ANKH: variants seen among roughly 807,000 people sequenced by gnomAD.
ANKH encodes mineralization regulator ANKH.
In ANKH, 15 loss-of-function variants were observed where a neutral mutation model predicts 49.0. The observed-to-expected ratio is 0.31, with a 90% CI of 0.20 to 0.47. ANKH has a LOEUF of 0.47. ANKH is among the 20% of genes least tolerant of loss of function. The probability of loss-of-function intolerance (pLI) is 1.00; values close to 1 mark genes in which losing one functional copy is unlikely to be tolerated. For missense variants in ANKH, 429 were observed against 652.0 expected (o/e 0.66, Z 3.72); for synonymous variants, 273 against 260.0 (o/e 1.05, Z -0.48).
chr5:14,772,500 C>T (rs1739477368), intron 1 of ANKH, among the ~76,000 whole-genome samples: 1 of 152,142 alleles, frequency 6.6e-6, no homozygotes, highest in South Asian at 2.1e-4. Context: ...GTGAAAACTT[C>T]CATAAGAACC....
At chr5:14,781,882 T>C (rs2126530952) in intron 1 of ANKH, among the ~76,000 whole-genome samples, 1 of 152,324 alleles carries the variant, frequency 6.6e-6, no homozygotes, top group African/African-American at 2.4e-5. Context: ...AGTTAACATC[T>C]CAAGATTCTG....
chr5:14,850,560 C>T (rs910659972), intron 1 of ANKH, among the ~76,000 whole-genome samples: 1 of 152,252 alleles, frequency 6.6e-6, no homozygotes, highest in African/African-American at 2.4e-5. Context: ...CACACCTCAG[C>T]CCCCCTCCGG....
At chr5:14,793,603 C>G (rs142717214) in intron 1 of ANKH, among the ~76,000 whole-genome samples, 2 of 152,294 alleles carry the variant, frequency 1.3e-5, no homozygotes, top group African/African-American at 4.8e-5. Flanking sequence ...GACAAGCAGC[C>G]AGGCCGGGAG....
intron 1 of ANKH, among the ~76,000 whole-genome samples, chr5:14,803,486 G>T (rs991457523): frequency 6.6e-6 from 1 of 152,030 alleles, no homozygotes; most frequent in Admixed American, 6.6e-5. Context: ...CGCCATCTTG[G>T]CCAGGCTGGT....
chr5:14,824,031 T>A (rs1741270671), intron 1 of ANKH, among the ~76,000 whole-genome samples: 1 of 152,104 alleles, frequency 6.6e-6, no homozygotes, highest in African/African-American at 2.4e-5. Flanking sequence ...AAGAATACCT[T>A]ACCCCAACCA....
chr5:14,739,343 G>A (rs939039993), intron 8 of ANKH, among the ~76,000 whole-genome samples: 3 of 152,092 alleles, frequency 2.0e-5, no homozygotes, highest in African/African-American at 7.2e-5. Context: ...TTTGAACCTG[G>A]GAAGCAGAGG....
At chr5:14,805,460 T>C (rs1374632695) in intron 1 of ANKH, among the ~76,000 whole-genome samples, 20 of 64,654 alleles carry the variant, frequency 3.1e-4, no homozygotes, top group African/African-American at 1.0e-3. Context: ...TATATATATG[T>C]ACACACACAT....
In ANKH at chr5:14,749,800, G is replaced by A. The variant is rs576770779; in HGVS notation, c.688-494C>T. ...ACTGACTACAGAGGTTCTTATTCTC[G>A]GAGCTCTCACAGACATCATGTAAAC... On this transcript the variant is annotated intron_variant, in intron 5 of 11. Coordinates refer to ENST00000284268, the MANE Select transcript of ANKH (RefSeq NM_054027.6). Among the ~76,000 whole-genome samples, 290 of 152,312 alleles carry A rather than the reference G, an allele frequency of 1.9e-3. 1 individual carries two copies. Among genetic ancestry groups the A allele is most frequent in the African/African-American group, 6.6e-3 (274 of 41,552 alleles).
intron 8 of ANKH, chr5:14,741,341 C>T (rs537053825): frequency 5.2e-6 from 1 of 192,560 alleles, no homozygotes. Flanking sequence ...GTATCCTCAG[C>T]AGACAGATGG....
intron 4 of ANKH, 69 bp from the exon 5 acceptor site, chr5:14,751,308 C>A: frequency 6.6e-7 from 1 of 1,518,386 alleles, no homozygotes; most frequent in Non-Finnish European, 9.1e-7. Context: ...AGCACAGGGG[C>A]ACGCTCTTGA....
intron 4 of ANKH, among the ~76,000 whole-genome samples, chr5:14,751,927 G>C (rs1738733274): frequency 6.6e-6 from 1 of 152,084 alleles, no homozygotes; most frequent in African/African-American, 2.4e-5. Context: ...ACACATCTGA[G>C]GACTAGGCTA....
intron 2 of ANKH, among the ~76,000 whole-genome samples, chr5:14,760,910 CT>C (rs1001142239): frequency 2.6e-5 from 4 of 152,220 alleles, no homozygotes; most frequent in Non-Finnish European, 4.4e-5. Flanking sequence ...ATCCTAACCC[CT>C]GGCATCTCAG....
intron 1 of ANKH, among the ~76,000 whole-genome samples, chr5:14,849,384 T>C (rs1242882471): frequency 1.3e-5 from 2 of 152,210 alleles, no homozygotes; most frequent in Non-Finnish European, 1.5e-5. Flanking sequence ...TAATGTTAGC[T>C]GTATACATGT....
chr5:14,721,808 T>C (rs1267409317), intron 8 of ANKH, among the ~76,000 whole-genome samples: 2 of 151,730 alleles, frequency 1.3e-5, no homozygotes, highest in East Asian at 1.9e-4. Flanking sequence ...CAGGCGCCTG[T>C]AGTCCCAGCT....
chr5:14,870,394 T>C (rs935616394), intron 1 of ANKH: 12 of 152,062 alleles, frequency 7.9e-5, no homozygotes, highest in Admixed American at 1.3e-4. Context: ...TCAAAATAGG[T>C]GCATATTCTA....
In ANKH at chr5:14,718,839, CA is replaced by C. The variant is rs1391402293; in HGVS notation, c.1012-2005del. ...CATCCTCCCAACACCACCCCCCCCCCAAAAAAAAAAGACATAGAAAAAGATA... is the reference window on the plus strand; with the variant it reads ...CATCCTCCCAACACCACCCCCCCCCCAAAAAAAAAGACATAGAAAAAGATA... On this transcript the variant is annotated intron_variant, in intron 8 of 11. Coordinates refer to ENST00000284268, the MANE Select transcript of ANKH (RefSeq NM_054027.6). Among the ~76,000 whole-genome samples, 236 of 133,860 alleles carry C rather than the reference CA, an allele frequency of 1.8e-3. 6 individuals are homozygous for C. The highest frequency in any genetic ancestry group is 4.2e-3 in the African/African-American group (150 of 35,668). 87.8% of individuals were successfully genotyped at this position (133,860 alleles called of 152,430 possible). A position where few individuals can be genotyped will look rare whatever the true frequency, so the allele number is the denominator to read the frequency against.
chr5:14,871,717 ACGGCGG>A lies in ANKH; in HGVS notation c.-276_-271del, dbSNP rs531421951. On this transcript the variant is annotated 5_prime_UTR_variant, in exon 1 of 12. Coordinates refer to ENST00000284268, the MANE Select transcript of ANKH (RefSeq NM_054027.6). ...TCTGCCGGGAAAAAAAAGAGGAGGG[ACGGCGG>A]CGGCGGCGGCGGCGGCAGAAGGTTC... 9.2e-4 allele frequency: 145 copies of A among 157,532 alleles called. No individual in the cohort carries two copies. Among genetic ancestry groups the A allele is most frequent in the African/African-American group, 3.3e-3 (135 of 40,860 alleles). 9.8% of individuals were successfully genotyped at this position (157,532 alleles called of 1,614,324 possible).
In ANKH at chr5:14,814,083, C is replaced by G. The variant is rs372397950; in HGVS notation, c.97-44892G>C. Among the ~76,000 whole-genome samples the G allele has an allele frequency of 1.3e-4, 20 of 152,298 alleles. No homozygotes were observed. In the South Asian group the frequency reaches 2.9e-3, roughly 22 times the overall value. On this transcript the variant is annotated intron_variant, in intron 1 of 11. Coordinates refer to ENST00000284268, the MANE Select transcript of ANKH (RefSeq NM_054027.6). ...GGTCAAGTTCAGATGCTAACATCCT[C>G]GAGACAGCGTTCCATCTCACACACC...
chr5:14,793,037 A>AATATATATATAAAT (rs1740240872), intron 1 of ANKH, among the ~76,000 whole-genome samples: 1 of 56,230 alleles, frequency 1.8e-5, no homozygotes, highest in Non-Finnish European at 3.3e-5. Context: ...TATATATAAA[A>AATATATATATAAAT]ATATATATAT....
Sources: allele counts gnomAD v4.1 joint callset (sites outside exome capture counted in the v4.1 genomes callset), GRCh38; gene constraint gnomAD v4.1.1; transcripts MANE v1.5; gene names NCBI Gene and HGNC (gene_info 2026-07-23, HGNC 2026-07-21).